Variants in SPEF2 observed in about 807,000 individuals in gnomAD.
SPEF2 encodes sperm flagellar and cilia associated 2, also known as sperm flagella and cilia-associated protein 2.
SPEF2 carries 187 observed loss-of-function variants against 224.6 expected under a neutral mutation model. That is an observed-to-expected ratio of 0.83 (90% CI 0.74 to 0.94). The LOEUF is 0.94. SPEF2 is among the 40% of genes least tolerant of loss of function. The pLI is 0.00. For synonymous variants in SPEF2, 715 were observed against 707.3 expected, an observed-to-expected ratio of 1.01 and a Z score of -0.17; for missense variants, 2,170 against 2,135.6, an observed-to-expected ratio of 1.02 and a Z score of -0.32.
At chr5:35,677,559 C>G (rs1157570703) in intron 10 of SPEF2, among the ~76,000 whole-genome samples, 1 of 152,170 alleles carries the variant, frequency 6.6e-6, no homozygotes, top group Non-Finnish European at 1.5e-5. Context: ...CACTGGGCTG[C>G]TGTAATTCTC....
chr5:35,676,590 A>G (rs1376703777), intron 10 of SPEF2, among the ~76,000 whole-genome samples: 1 of 152,022 alleles, frequency 6.6e-6, no homozygotes, highest in African/African-American at 2.4e-5. Context: ...TTAGCTAGGC[A>G]TTTTGGCGGG....
intron 26 of SPEF2, among the ~76,000 whole-genome samples, chr5:35,770,427 C>G (rs1752669836): frequency 6.6e-6 from 1 of 151,970 alleles, no homozygotes; most frequent in African/African-American, 2.4e-5. Context: ...AGTCACGGTG[C>G]TGGGCAAGAT....
chr5:35,706,057 A>AAC (rs34781880), intron 18 of SPEF2, among the ~76,000 whole-genome samples: 80,485 of 150,558 alleles, frequency 0.53, 21,945 homozygotes, highest in African/African-American at 0.56. Context: ...CATAAAAAAA[A>AAC]AACAAGAAAA....
intron 10 of SPEF2, 144 bp from the exon 11 acceptor site, chr5:35,690,893 T>C (rs2149531090): frequency 3.4e-6 from 2 of 593,872 alleles, no homozygotes; most frequent in Non-Finnish European, 5.6e-6. Flanking sequence ...ATTATTAATG[T>C]TATTACTCTT....
intron 3 of SPEF2, 79 bp downstream of exon 3, chr5:35,641,762 C>T (rs146799924): frequency 0.017 from 25,568 of 1,469,094 alleles, 409 homozygotes; most frequent in Middle Eastern, 0.082. Flanking sequence ...ATTGAATTCT[C>T]AAAGAAGCCT....
intron 10 of SPEF2, chr5:35,670,726 A>G (rs1327817674): frequency 2.0e-6 from 2 of 985,816 alleles, no homozygotes; most frequent in African/African-American, 3.5e-5. Flanking sequence ...TGTGATTTTT[A>G]GAAGAACTGT....
At chr5:35,760,477 C>CT (rs1289830815) in intron 25 of SPEF2, among the ~76,000 whole-genome samples, 1 of 151,932 alleles carries the variant, frequency 6.6e-6, no homozygotes, top group Non-Finnish European at 1.5e-5. Context: ...TGTTTTGAGT[C>CT]TTTTACTGAT....
At chr5:35,789,901 G>A (rs1249250119) in intron 30 of SPEF2, 4 of 702,856 alleles carry the variant, frequency 5.7e-6, no homozygotes, top group Non-Finnish European at 1.0e-5. Context: ...AATGGAGCAT[G>A]TTGAAATTAG....
In SPEF2 at chr5:35,736,512, TCAAA is replaced by T. The variant is rs1176714901; in HGVS notation, c.3064-3404_3064-3401del. 2.6e-5 allele frequency among the ~76,000 whole-genome samples: 4 copies of T among 151,676 alleles called. No homozygotes were observed. The East Asian group carries it at 5.8e-4, about 22-fold the overall frequency. On this transcript the variant is annotated intron_variant, in intron 21 of 36. Transcript: ENST00000356031. ...GTGTGTGTGTGTGAAAGAGGAACTG[TCAAA>T]CACTTATAAAACCATCATGTCACAT...
intron 26 of SPEF2, among the ~76,000 whole-genome samples, chr5:35,766,388 G>A (rs911226954): frequency 1.3e-5 from 2 of 151,898 alleles, no homozygotes; most frequent in East Asian, 1.9e-4. Context: ...GTTGTTTTTG[G>A]TAGATATTAT....
chr5:35,770,001 G>A (rs1212420518), intron 26 of SPEF2, among the ~76,000 whole-genome samples: 19 of 137,928 alleles, frequency 1.4e-4, no homozygotes, highest in African/African-American at 5.9e-4. Flanking sequence ...GTGTGTGTGT[G>A]TGTGTGTGTG....
chr5:35,796,815 T>C (rs1341507656), intron 33 of SPEF2, among the ~76,000 whole-genome samples: 1 of 152,152 alleles, frequency 6.6e-6, no homozygotes, highest in East Asian at 1.9e-4. Flanking sequence ...TGGATGCATA[T>C]TTTTTGAGCA....
At chr5:35,661,272 ATATATATATATATATATATATATATATT>A (rs1749684152) in intron 8 of SPEF2, among the ~76,000 whole-genome samples, 1 of 30,916 alleles carries the variant, frequency 3.2e-5, no homozygotes, top group African/African-American at 1.5e-4. Flanking sequence ...ATATATATAT[ATATATATATATATATATATATATATATT>A]ATACACACAT....
rs569482961 is a variant in SPEF2 at position 35,710,404 on chromosome 5, A to G, written c.2839+1283A>G. 12 of 538,832 alleles carry G rather than the reference A, an allele frequency of 2.2e-5. No homozygotes were observed. The African/African-American group carries it at 2.3e-4, about 10-fold the overall frequency. The allele number at this position is 538,832 out of a possible 1,614,324, so 33.4% of individuals were successfully genotyped here. ...AAAACCCATCTCTACCAAAAATACA[A>G]AAATTAGCTGGGCGTGGTGGCAGGC... is the stretch of plus-strand genomic sequence containing the variant. On this transcript the variant is annotated intron_variant, in intron 19 of 36. Coordinates refer to ENST00000356031, the MANE Select transcript of SPEF2 (RefSeq NM_024867.4).
intron 10 of SPEF2, chr5:35,675,897 G>A: frequency 2.2e-6 from 1 of 456,160 alleles, no homozygotes; most frequent in South Asian, 1.5e-5. Flanking sequence ...GCTTGATAGG[G>A]GTCTGGGACT....
At chr5:35,722,282 C>T (rs1009238329) in intron 20 of SPEF2, among the ~76,000 whole-genome samples, 44 of 152,014 alleles carry the variant, frequency 2.9e-4, no homozygotes, top group Non-Finnish European at 5.6e-4. Context: ...TGGGACCATG[C>T]GTCCCAGCCC....
chr5:35,727,202 C>T (rs185628853), intron 20 of SPEF2, among the ~76,000 whole-genome samples: 1 of 152,270 alleles, frequency 6.6e-6, no homozygotes, highest in Admixed American at 6.5e-5. Context: ...CCCCTGCATC[C>T]CTCACCTACT....
chr5:35,788,386 A>G (rs1317965689), intron 30 of SPEF2: 1 of 702,878 alleles, frequency 1.4e-6, no homozygotes, highest in Non-Finnish European at 2.6e-6. Context: ...GAATGTTTAC[A>G]TACTTTATTG....
intron 20 of SPEF2, among the ~76,000 whole-genome samples, chr5:35,726,944 G>GA (rs1416082425): frequency 6.6e-6 from 1 of 151,910 alleles, no homozygotes; most frequent in Non-Finnish European, 1.5e-5. Flanking sequence ...ATTCTGAATT[G>GA]AAAATTAGAC....
Sources: gnomAD v4.1 joint callset for allele counts (sites outside exome capture counted in the v4.1 genomes callset) on GRCh38, gnomAD v4.1.1 for gene constraint, MANE v1.5 for transcripts, NCBI Gene and HGNC (gene_info 2026-07-23, HGNC 2026-07-21) for gene names.